The following PTPRD variants were observed in gnomAD, a reference collection of about 807,000 sequenced individuals.
PTPRD encodes protein tyrosine phosphatase receptor type D.
In PTPRD, 34 loss-of-function variants were observed where a neutral mutation model predicts 214.5. The observed-to-expected ratio is 0.16, with a 90% CI of 0.12 to 0.21. The LOEUF (loss-of-function observed/expected upper bound fraction) is 0.21, where lower values mean the gene tolerates loss of function less well. PTPRD is among the 10% of genes least tolerant of loss of function. The pLI is 1.00. For missense variants in PTPRD, 2,545 were observed against 2,398.7 expected (o/e 1.06, Z -1.27); for synonymous variants, 1,128 against 845.7 (o/e 1.33, Z -5.79).
At chr9:9,327,183 T>C (rs937536653) in intron 9 of PTPRD, among the ~76,000 whole-genome samples, 6 of 152,180 alleles carry the variant, frequency 3.9e-5, no homozygotes, top group African/African-American at 1.2e-4. Flanking sequence ...CTCATTTATA[T>C]TGAGTAGAAG....
intron 9 of PTPRD, among the ~76,000 whole-genome samples, chr9:9,298,624 G>C (rs529829273): frequency 6.6e-6 from 1 of 151,770 alleles, no homozygotes; most frequent in Non-Finnish European, 1.5e-5. Context: ...CAAATCAGTA[G>C]AGGAGCAATA....
chr9:10,186,803 C>A (rs909646443), intron 3 of PTPRD, among the ~76,000 whole-genome samples: 15 of 151,976 alleles, frequency 9.9e-5, no homozygotes, highest in African/African-American at 3.1e-4. Context: ...ATTATTTTAA[C>A]ATCTGGGGAA....
intron 2 of PTPRD, among the ~76,000 whole-genome samples, chr9:10,479,126 A>C (rs2099081066): frequency 6.6e-6 from 1 of 152,192 alleles, no homozygotes; most frequent in African/African-American, 2.4e-5. Flanking sequence ...CTAAAATAAA[A>C]TGAATAAATA....
intron 3 of PTPRD, among the ~76,000 whole-genome samples, chr9:10,288,599 G>C (rs993257618): frequency 6.6e-6 from 1 of 152,148 alleles, no homozygotes; most frequent in Non-Finnish European, 1.5e-5. Context: ...TAGAGGCCAG[G>C]AAAGAACAGC....
chr9:8,802,872 C>G (rs534210441), intron 11 of PTPRD, among the ~76,000 whole-genome samples: 8 of 152,016 alleles, frequency 5.3e-5, no homozygotes, highest in African/African-American at 1.9e-4. Context: ...GGCAACAGAG[C>G]AAGATCACAT....
At chr9:9,257,697 T>C (rs1594696301) in intron 9 of PTPRD, among the ~76,000 whole-genome samples, 3 of 151,744 alleles carry the variant, frequency 2.0e-5, no homozygotes, top group Admixed American at 6.6e-5. Context: ...TGTGGGAGGA[T>C]TGGTTAAGCC....
chr9:9,400,762 G>A (rs987093604), intron 8 of PTPRD, among the ~76,000 whole-genome samples: 1 of 152,002 alleles, frequency 6.6e-6, no homozygotes, highest in East Asian at 1.9e-4. Flanking sequence ...GTGAGGAAAT[G>A]GAGTCAAACC....
chr9:9,683,123 C>G (rs1469369036), intron 7 of PTPRD, among the ~76,000 whole-genome samples: 2 of 151,732 alleles, frequency 1.3e-5, no homozygotes, highest in East Asian at 1.9e-4. Context: ...CTTTTGATGA[C>G]TATTCTTTTT....
intron 3 of PTPRD, among the ~76,000 whole-genome samples, chr9:10,122,649 G>C (rs371719913): frequency 1.1e-4 from 16 of 152,256 alleles, no homozygotes; most frequent in East Asian, 5.8e-4. Context: ...ACATTAGTGA[G>C]AATCTTCAGT....
At chr9:9,598,209 A>G (rs1311367280) in intron 7 of PTPRD, among the ~76,000 whole-genome samples, 2 of 152,028 alleles carry the variant, frequency 1.3e-5, no homozygotes, top group African/African-American at 4.8e-5. Context: ...CCAATGAGAA[A>G]ATAGCCCTCC....
chr9:9,602,511 A>G (rs2093847593), intron 7 of PTPRD, among the ~76,000 whole-genome samples: 1 of 152,126 alleles, frequency 6.6e-6, no homozygotes, highest in Non-Finnish European at 1.5e-5. Context: ...ATTTATATCT[A>G]AAAGAATAAG....
intron 9 of PTPRD, among the ~76,000 whole-genome samples, chr9:9,266,471 C>G (rs1939726049): frequency 6.6e-6 from 1 of 151,206 alleles, no homozygotes; most frequent in Non-Finnish European, 1.5e-5. Context: ...ACACATGGAA[C>G]ATTCTCCAAG....
chr9:8,368,957 G>A (rs559220790), intron 39 of PTPRD, among the ~76,000 whole-genome samples: 36 of 152,086 alleles, frequency 2.4e-4, no homozygotes, highest in African/African-American at 7.0e-4. Flanking sequence ...CATTCTTATC[G>A]AGATGTTGGC....
intron 5 of PTPRD, among the ~76,000 whole-genome samples, chr9:9,921,857 C>T (rs903543628): frequency 6.6e-6 from 1 of 151,808 alleles, no homozygotes; most frequent in African/African-American, 2.4e-5. Flanking sequence ...CCATAACATT[C>T]CTATCATTAC....
At chr9:10,378,529 GC>G (rs373413372) in intron 2 of PTPRD, among the ~76,000 whole-genome samples, 117 of 152,024 alleles carry the variant, frequency 7.7e-4, no homozygotes, top group African/African-American at 2.5e-3. Context: ...TCATTCTTCT[GC>G]ATGTGAATAC....
chr9:9,486,418 T>C (rs975567511), intron 8 of PTPRD, among the ~76,000 whole-genome samples: 1 of 152,146 alleles, frequency 6.6e-6, no homozygotes, highest in Non-Finnish European at 1.5e-5. Flanking sequence ...CAAAACTTCA[T>C]GTCTTTCAGA....
At chr9:10,090,903 G>C (rs570514282) in intron 3 of PTPRD, among the ~76,000 whole-genome samples, 1 of 131,680 alleles carries the variant, frequency 7.6e-6, no homozygotes, top group Non-Finnish European at 1.6e-5. Context: ...GGACATTTGT[G>C]TATATAAATG....
chr9:10,599,160 G>A (rs958250835), intron 2 of PTPRD, among the ~76,000 whole-genome samples: 1 of 151,620 alleles, frequency 6.6e-6, no homozygotes, highest in Non-Finnish European at 1.5e-5. Flanking sequence ...TGTAGATGAG[G>A]ACCATTCCCT....
chr9:10,420,749 T>A lies in PTPRD; in HGVS notation c.-599-79732A>T, dbSNP rs10959099. The stretch of plus-strand genomic sequence containing the variant: ...ACATTAACAGATTTGAGCTACATTT[T>A]CTTATTCATTCTAAAGTATCTATTC... On this transcript the variant is annotated intron_variant, in intron 2 of 45. Transcript: ENST00000381196. Among the ~76,000 whole-genome samples the A allele has an allele frequency of 5.3e-5, 8 of 152,064 alleles. No homozygotes were observed. In the East Asian group the frequency reaches 1.6e-3, roughly 30 times the overall value.
Sources: allele counts gnomAD v4.1 joint callset (sites outside exome capture counted in the v4.1 genomes callset), GRCh38; gene constraint gnomAD v4.1.1; transcripts MANE v1.5; gene names NCBI Gene and HGNC (gene_info 2026-07-23, HGNC 2026-07-21).